Variants in NUSAP1 observed in about 807,000 individuals in gnomAD.
The protein encoded by NUSAP1 is nucleolar and spindle-associated protein 1.
Under a neutral mutation model 52.8 loss-of-function variants are expected in NUSAP1, and 32 were observed. The observed-to-expected ratio is 0.61, with a 90% CI of 0.46 to 0.81. The LOEUF (loss-of-function observed/expected upper bound fraction) is 0.81, where lower values mean the gene tolerates loss of function less well. Among genes scored for constraint, NUSAP1 ranks in the 40% least tolerant of loss-of-function variants. The pLI is 0.00. For missense variants in NUSAP1, 499 were observed against 522.3 expected (o/e 0.96, Z 0.43); for synonymous variants, 195 against 183.1 (o/e 1.06, Z -0.52).
At chr15:41,377,026 A>G (rs1285467110) in intron 9 of NUSAP1, among the ~76,000 whole-genome samples, 170 bp from the exon 10 acceptor site, 1 of 152,152 alleles carries the variant, frequency 6.6e-6, no homozygotes, top group Non-Finnish European at 1.5e-5. Context: ...CTGTGAGCTG[A>G]GATCAGATCA....
chr15:41,343,822 A>G (rs1021850359), intron 2 of NUSAP1, among the ~76,000 whole-genome samples: 1 of 151,966 alleles, frequency 6.6e-6, no homozygotes, highest in Non-Finnish European at 1.5e-5. Context: ...GGCTTTAATT[A>G]ACTGAAAATA....
rs185900477 is a variant in NUSAP1, at chr15:41,335,673, T to C, written c.93+2623T>C. Among the ~76,000 whole-genome samples, 348 of 141,214 alleles carry C rather than the reference T, an allele frequency of 2.5e-3. 1 individual carries two copies. The highest frequency in any genetic ancestry group is 0.01 in the Middle Eastern group (2 of 194). 92.6% of individuals were successfully genotyped at this position (141,214 alleles called of 152,430 possible). On this transcript the variant is annotated intron_variant, in intron 1 of 10. Transcript: ENST00000559596. ...ATTAAATATATAAATATACTAAATA[T>C]AAATATACTAAATATAGTATGTATG...
At chr15:41,337,672 C>T (rs986697645) in intron 1 of NUSAP1, among the ~76,000 whole-genome samples, 23 of 152,168 alleles carry the variant, frequency 1.5e-4, no homozygotes, top group African/African-American at 5.3e-4. Flanking sequence ...TTCCCTCTCT[C>T]CCCTCACCTG....
At chr15:41,335,136 A>C (rs1241150330) in intron 1 of NUSAP1, among the ~76,000 whole-genome samples, 1 of 151,586 alleles carries the variant, frequency 6.6e-6, no homozygotes, top group Non-Finnish European at 1.5e-5. Context: ...TACATAGCAA[A>C]AAAATTAATA....
intron 9 of NUSAP1, among the ~76,000 whole-genome samples, chr15:41,376,202 C>T (rs1266117694): frequency 1.3e-5 from 2 of 151,310 alleles, no homozygotes; most frequent in Non-Finnish European, 2.9e-5. Flanking sequence ...TCGAGATCAG[C>T]CTGGCCAACA....
chr15:41,365,264 C>G, intron 6 of NUSAP1, 138 bp from the exon 7 acceptor site: 1 of 607,518 alleles, frequency 1.6e-6, no homozygotes, highest in South Asian at 2.4e-5. Context: ...TCAAGTGATT[C>G]TCCCGCCTCA....
Position 41,380,674 on chromosome 15 carries a change from T to TTATG in NUSAP1, c.*489_*492dup, listed in dbSNP as rs2050173665. ...TATGAAACGGGGCCATATAGTTTGG[T>TTATG]TATGACATCAATATTTTACCTAGGT... On this transcript the variant is annotated 3_prime_UTR_variant, in exon 11 of 11. Coordinates refer to ENST00000559596, the MANE Select transcript of NUSAP1 (RefSeq NM_016359.5). 6.6e-6 allele frequency: 1 copy of TTATG among 152,520 alleles called. No individual in the cohort carries two copies. The highest frequency in any genetic ancestry group is 6.5e-5 in the Admixed American group (1 of 15,288). The allele number at this position is 152,520 out of a possible 1,614,324, so 9.4% of individuals were successfully genotyped here.
intron 10 of NUSAP1, among the ~76,000 whole-genome samples, chr15:41,379,522 A>G (rs1454436255): frequency 6.6e-6 from 1 of 151,936 alleles, no homozygotes; most frequent in Non-Finnish European, 1.5e-5. Flanking sequence ...CCTGACTCCA[A>G]TTCCATGCAT....
At chr15:41,356,902 TTATTA>T (rs1450050902) in intron 5 of NUSAP1, among the ~76,000 whole-genome samples, 1 of 152,160 alleles carries the variant, frequency 6.6e-6, no homozygotes, top group Non-Finnish European at 1.5e-5. Flanking sequence ...AGAATGTTGA[TTATTA>T]TATTTATAGT....
Position 41,348,454 on chromosome 15 carries a change from G to A in NUSAP1, c.163-644G>A, listed in dbSNP as rs150959952. On this transcript the variant is annotated intron_variant, in intron 2 of 10. Transcript: ENST00000559596. ...AGGCTGGTCTCAAAGTCCTGGGCTC[G>A]AGTGATCCACCTGCCTCAGCTTCCC... is the stretch of plus-strand genomic sequence containing the variant. Among the ~76,000 whole-genome samples, 301 of 151,970 alleles carry A rather than the reference G, an allele frequency of 2.0e-3. 7 individuals are homozygous for A. In the East Asian group the frequency reaches 0.054, roughly 27 times the overall value.
At chr15:41,376,269 G>A (rs868524113) in intron 9 of NUSAP1, among the ~76,000 whole-genome samples, 3 of 151,274 alleles carry the variant, frequency 2.0e-5, no homozygotes, top group Middle Eastern at 3.4e-3. Context: ...GCGTGGTGGC[G>A]GCGCCTGTAA....
chr15:41,341,590 A>G (rs147989893), intron 1 of NUSAP1, among the ~76,000 whole-genome samples: 2 of 152,252 alleles, frequency 1.3e-5, no homozygotes, highest in East Asian at 1.9e-4. Context: ...ACGTTGGCAT[A>G]ACAAAGTTTC....
At chr15:41,353,754 C>G (rs191198669) in intron 4 of NUSAP1, among the ~76,000 whole-genome samples, 2 of 152,274 alleles carry the variant, frequency 1.3e-5, no homozygotes, top group Non-Finnish European at 2.9e-5. Flanking sequence ...AGATTAGACT[C>G]ATAGCTCTAT....
Position 41,358,183 on chromosome 15 carries a change from A to G in NUSAP1, c.585A>G (p.Glu195=), listed in dbSNP as rs1192642855. 5.7e-6 allele frequency: 9 copies of G among 1,571,908 alleles called. No homozygotes were observed. Among genetic ancestry groups the G allele is most frequent in the Non-Finnish European group, 7.8e-6 (9 of 1,148,274 alleles). ...AGCTTCATGAAGCTCATTTTAAGGA[A>G]ATGGAGTCCATTGATCAATATATTG... The part of the protein sequence containing the change: ...FKKLHEAHFK[E]MESIDQYIER... Residue 195 remains glutamate (E), a synonymous_variant, in exon 6 of 11, where the codon GAA becomes GAG. Coordinates refer to ENST00000559596, the MANE Select transcript of NUSAP1 (RefSeq NM_016359.5).
intron 8 of NUSAP1, among the ~76,000 whole-genome samples, chr15:41,372,197 A>C (rs2049727151): frequency 2.0e-5 from 3 of 152,138 alleles, no homozygotes; most frequent in South Asian, 4.2e-4. Flanking sequence ...TCTGCCTGAG[A>C]GCTCCATCTA....
intron 2 of NUSAP1, among the ~76,000 whole-genome samples, chr15:41,347,812 T>C (rs2048632662): frequency 8.8e-6 from 1 of 114,026 alleles, no homozygotes; most frequent in Non-Finnish European, 1.7e-5. Flanking sequence ...AGACTCCGTC[T>C]CAAAAAAAAA....
chr15:41,367,579 A>T (rs368311093), intron 7 of NUSAP1, among the ~76,000 whole-genome samples: 1 of 152,018 alleles, frequency 6.6e-6, no homozygotes, highest in East Asian at 1.9e-4. Flanking sequence ...GCGGGTAGAT[A>T]ATGCACACCT....
Position 41,375,698 on chromosome 15 carries a change from C to G in NUSAP1, c.1007-14C>G, listed in dbSNP as rs748845104. ...TTCTAATTAAGCTCTTGGGTTTTTT[C>G]GGTGTGTTTTTAGTTATTACCCCAT... On this transcript the variant is annotated splice_polypyrimidine_tract_variant and intron_variant, in intron 8 of 10. Coordinates refer to ENST00000559596, the MANE Select transcript of NUSAP1 (RefSeq NM_016359.5). The G allele has an allele frequency of 2.0e-6, 3 of 1,520,376 alleles. No homozygotes were observed. Among genetic ancestry groups the G allele is most frequent in the Non-Finnish European group, 2.7e-6 (3 of 1,096,706 alleles). The allele number at this position is 1,520,376 out of a possible 1,614,324, so 94.2% of individuals were successfully genotyped here.
At chr15:41,336,427 C>A (rs1284791227) in intron 1 of NUSAP1, among the ~76,000 whole-genome samples, 2 of 151,678 alleles carry the variant, frequency 1.3e-5, no homozygotes, top group Non-Finnish European at 2.9e-5. Flanking sequence ...TCCTTTCTTG[C>A]GAGCTTAAAT....
Sources: allele counts gnomAD v4.1 joint callset (sites outside exome capture counted in the v4.1 genomes callset), GRCh38; gene constraint gnomAD v4.1.1; transcripts MANE v1.5; gene names NCBI Gene and HGNC (gene_info 2026-07-23, HGNC 2026-07-21).